CHRNA7: variants seen among roughly 807,000 people sequenced by gnomAD.
CHRNA7 encodes neuronal acetylcholine receptor subunit alpha-7.
Under a neutral mutation model 48.0 loss-of-function variants are expected in CHRNA7, and 17 were observed. The ratio of observed to expected loss-of-function variants is 0.35; its 90% CI spans 0.24 to 0.53. The LOEUF (loss-of-function observed/expected upper bound fraction) is 0.53, where lower values mean the gene tolerates loss of function less well. Ranked by LOEUF, CHRNA7 falls within the 20% of genes least tolerant of loss-of-function variation. The probability of loss-of-function intolerance (pLI) is 0.92; values close to 1 mark genes in which losing one functional copy is unlikely to be tolerated. For synonymous variants in CHRNA7, 75 were observed against 242.3 expected, an observed-to-expected ratio of 0.31 and a Z score of 6.41; for missense variants, 155 against 577.7, an observed-to-expected ratio of 0.27 and a Z score of 7.50.
rs1595523412 is a variant in CHRNA7, at chr15:32,163,520, G to A, written c.990+185G>A. ...GCTGGAGTGCAGTGGTGTAATCTTG[G>A]CTCACTGCAACCTCCACCTCCTGGA... On this transcript the variant is annotated intron_variant, in intron 9 of 9. Transcript: ENST00000306901. The A allele has an allele frequency of 3.5e-5, 7 of 199,188 alleles. 1 individual carries two copies. In the East Asian group the frequency reaches 4.6e-4, roughly 13 times the overall value. 12.3% of individuals were successfully genotyped at this position (199,188 alleles called of 1,614,324 possible).
intron 2 of CHRNA7, among the ~76,000 whole-genome samples, chr15:32,040,251 A>G (rs369265078): frequency 1.3e-5 from 2 of 152,014 alleles, no homozygotes; most frequent in African/African-American, 2.4e-5. Context: ...GTGATTGTCG[A>G]TATAGTTGGA....
intron 2 of CHRNA7, among the ~76,000 whole-genome samples, chr15:32,055,688 C>T (rs2049774830): frequency 6.6e-6 from 1 of 152,064 alleles, no homozygotes; most frequent in African/African-American, 2.4e-5. Context: ...ACATTCAAAC[C>T]ATTGCAGTTG....
At chr15:32,049,765 G>A (rs1046046791) in intron 2 of CHRNA7, among the ~76,000 whole-genome samples, 1 of 152,184 alleles carries the variant, frequency 6.6e-6, no homozygotes, top group African/African-American at 2.4e-5. Flanking sequence ...ATTTTGGCAT[G>A]ATTTTGCAGC....
chr15:32,101,465 AAAAC>A (rs1161425855), intron 3 of CHRNA7, 118 bp downstream of exon 3: 1 of 1,089,646 alleles, frequency 9.2e-7, no homozygotes, highest in Non-Finnish European at 1.3e-6. Flanking sequence ...AAAAACCAAA[AAAAC>A]AAAAGGCCAT....
intron 3 of CHRNA7, 32 bp from the exon 4 acceptor site, chr15:32,111,758 T>C: frequency 7.6e-7 from 1 of 1,324,070 alleles, no homozygotes; most frequent in Non-Finnish European, 1.1e-6. Flanking sequence ...GCCAAGGAAG[T>C]GAAGTGCTGC....
intron 2 of CHRNA7, among the ~76,000 whole-genome samples, chr15:32,097,732 T>G (rs2050496273): frequency 6.6e-6 from 1 of 152,250 alleles, no homozygotes; most frequent in Non-Finnish European, 1.5e-5. Flanking sequence ...TGCATATTTA[T>G]TCACAGGCCT....
chr15:32,053,708 A>G (rs965510324), intron 2 of CHRNA7, among the ~76,000 whole-genome samples: 2 of 152,236 alleles, frequency 1.3e-5, no homozygotes, highest in Non-Finnish European at 2.9e-5. Context: ...TTGGAGTCAC[A>G]GCTCCCAGGT....
chr15:32,153,426 A>C (rs2141364560), intron 4 of CHRNA7: 1 of 150,446 alleles, frequency 6.6e-6, no homozygotes, highest in Non-Finnish European at 1.5e-5. Context: ...TGTCTCAAAA[A>C]AAAAAAAAAA....
At chr15:32,147,979 A>G (rs1285730817) in intron 4 of CHRNA7, among the ~76,000 whole-genome samples, 1 of 152,142 alleles carries the variant, frequency 6.6e-6, no homozygotes, top group African/African-American at 2.4e-5. Context: ...AAAGTAAATG[A>G]CACCTTAGAT....
At chr15:32,146,087 A>G (rs1424023712) in intron 4 of CHRNA7, among the ~76,000 whole-genome samples, 1 of 152,238 alleles carries the variant, frequency 6.6e-6, no homozygotes, top group East Asian at 1.9e-4. Context: ...AAATATCAGC[A>G]TAACAAAGTC....
chr15:32,123,847 G>A (rs2051016538), intron 4 of CHRNA7, among the ~76,000 whole-genome samples: 1 of 150,798 alleles, frequency 6.6e-6, no homozygotes. Flanking sequence ...AGGCATAAAA[G>A]TCAGTTTTCT....
chr15:32,137,692 CTG>C (rs2051297445), intron 4 of CHRNA7, among the ~76,000 whole-genome samples: 1 of 152,044 alleles, frequency 6.6e-6, no homozygotes. Flanking sequence ...ATATGGAAAA[CTG>C]GATATCTAAA....
intron 2 of CHRNA7, among the ~76,000 whole-genome samples, chr15:32,063,170 G>A (rs533423653): frequency 1.1e-4 from 17 of 152,074 alleles, no homozygotes; most frequent in Middle Eastern, 3.4e-3. Context: ...TAAATGTGAC[G>A]GCCTGGGACA....
At chr15:32,049,016 TGCACTGTGG>T (rs2049612039) in intron 2 of CHRNA7, among the ~76,000 whole-genome samples, 1 of 139,724 alleles carries the variant, frequency 7.2e-6, no homozygotes, top group African/African-American at 3.0e-5. Flanking sequence ...CTAGTTTGAT[TGCACTGTGG>T]TCTGTTCTTT....
At chr15:32,114,023 T>TATATATAC (rs2050808668) in intron 4 of CHRNA7, among the ~76,000 whole-genome samples, 1 of 50,986 alleles carries the variant, frequency 2.0e-5, no homozygotes, top group Non-Finnish European at 4.3e-5. Flanking sequence ...TCTCCAAATA[T>TATATATAC]ATATATATAT....
intron 4 of CHRNA7, among the ~76,000 whole-genome samples, chr15:32,139,627 T>C (rs1346121970): frequency 2.0e-5 from 3 of 152,054 alleles, no homozygotes; most frequent in African/African-American, 7.2e-5. Context: ...GTGGAACATA[T>C]TTCTATGTGC....
At chr15:32,108,839 C>A (rs1033715255) in intron 3 of CHRNA7, among the ~76,000 whole-genome samples, 3 of 152,284 alleles carry the variant, frequency 2.0e-5, no homozygotes, top group African/African-American at 7.2e-5. Context: ...CTCATCTCAT[C>A]CTGTGAGGCA....
intron 2 of CHRNA7, among the ~76,000 whole-genome samples, chr15:32,075,808 C>T (rs1055151023): frequency 8.6e-5 from 13 of 151,348 alleles, no homozygotes; most frequent in Non-Finnish European, 1.9e-4. Flanking sequence ...TGAGTCTTTT[C>T]CTTTTTTCTC....
intron 4 of CHRNA7, among the ~76,000 whole-genome samples, chr15:32,112,738 C>T (rs2050784240): frequency 6.6e-6 from 1 of 152,202 alleles, no homozygotes; most frequent in African/African-American, 2.4e-5. Flanking sequence ...AAATTGCCCT[C>T]CATGGTCACT....
Sources: allele counts gnomAD v4.1 joint callset (sites outside exome capture counted in the v4.1 genomes callset), GRCh38; gene constraint gnomAD v4.1.1; transcripts MANE v1.5; gene names NCBI Gene and HGNC (gene_info 2026-07-23, HGNC 2026-07-21).